The following FILIP1L variants were observed in gnomAD, a reference collection of about 807,000 sequenced individuals.
FILIP1L encodes filamin A-interacting protein 1-like.
In FILIP1L, 55 loss-of-function variants were observed where a neutral mutation model predicts 96.6. The ratio of observed to expected loss-of-function variants is 0.57; its 90% CI spans 0.46 to 0.71. FILIP1L has a LOEUF of 0.71. Among genes scored for constraint, FILIP1L ranks in the 30% least tolerant of loss-of-function variants. The pLI, the probability that FILIP1L is intolerant of heterozygous loss-of-function variation, is 0.00. For missense variants in FILIP1L, 1,304 were observed against 1,321.2 expected, an observed-to-expected ratio of 0.99 and a Z score of 0.20; for synonymous variants, 467 against 473.9, an observed-to-expected ratio of 0.99 and a Z score of 0.19.
At chr3:100,089,172 C>T (rs780741274) in intron 1 of FILIP1L, among the ~76,000 whole-genome samples, 1 of 152,146 alleles carries the variant, frequency 6.6e-6, no homozygotes, top group Admixed American at 6.5e-5. Context: ...AGCTACTTTG[C>T]TAATACATTC....
chr3:99,939,546 G>C (rs1707793338), intron 1 of FILIP1L, among the ~76,000 whole-genome samples: 2 of 152,108 alleles, frequency 1.3e-5, no homozygotes, highest in Admixed American at 1.3e-4. Context: ...CATGGAATTG[G>C]GTATAATTTC....
chr3:100,086,585 A>T (rs933580899), intron 1 of FILIP1L, among the ~76,000 whole-genome samples: 1 of 152,230 alleles, frequency 6.6e-6, no homozygotes, highest in Non-Finnish European at 1.5e-5. Flanking sequence ...TTTATTACCC[A>T]CCAGGCTAAC....
Position 100,012,365 on chromosome 3 carries a change from CATCAT to C in FILIP1L, c.-10-81340_-10-81336del, listed in dbSNP as rs148382569. 7.2e-3 allele frequency among the ~76,000 whole-genome samples: 1,101 copies of C among 152,212 alleles called. 19 individuals are homozygous for C. Among genetic ancestry groups the C allele is most frequent in the African/African-American group, 0.024 (1,014 of 41,530 alleles). ...CTTTCCTGAGAATCTCTAGTTTTCT[CATCAT>C]ATCATTAAAAGCCCAAAACGAAACA... On this transcript the variant is annotated intron_variant, in intron 1 of 5. Coordinates refer to ENST00000477258, the MANE Select transcript of FILIP1L (RefSeq NM_001387850.1).
intron 1 of FILIP1L, among the ~76,000 whole-genome samples, chr3:100,036,912 T>C (rs907386552): frequency 7.2e-5 from 11 of 152,230 alleles, no homozygotes; most frequent in Admixed American, 6.5e-4. Context: ...CAAATATGCA[T>C]AATTAATTTA....
intron 5 of FILIP1L, among the ~76,000 whole-genome samples, chr3:99,837,219 A>G (rs1942936584): frequency 6.6e-6 from 1 of 152,166 alleles, no homozygotes; most frequent in Non-Finnish European, 1.5e-5. Flanking sequence ...GTACTCACTG[A>G]TTCCCTCCCT....
At chr3:99,876,057 C>T (rs547610329) in intron 4 of FILIP1L, 113 of 985,690 alleles carry the variant, frequency 1.1e-4, no homozygotes, top group Non-Finnish European at 1.3e-4. Context: ...AGCGAAGTTG[C>T]TCTCCCGGGC....
At chr3:99,932,137 A>G (rs1707501373) in intron 1 of FILIP1L, among the ~76,000 whole-genome samples, 1 of 152,188 alleles carries the variant, frequency 6.6e-6, no homozygotes, top group Admixed American at 6.5e-5. Flanking sequence ...GTACTGTATT[A>G]TAGATGTATT....
intron 1 of FILIP1L, among the ~76,000 whole-genome samples, chr3:100,024,110 C>T (rs2064876249): frequency 6.6e-6 from 1 of 152,166 alleles, no homozygotes; most frequent in African/African-American, 2.4e-5. Flanking sequence ...CACACTCCGT[C>T]TTCAGCTCCT....
rs535930320 is a variant in FILIP1L at position 99,944,778 on chromosome 3, T to A, written c.-10-13748A>T. ...GTTGGGAGAGACATCTCAGCAATTATGGTGCAGCACTGACTATATCAATAA... is the reference window on the plus strand; with the variant it reads ...GTTGGGAGAGACATCTCAGCAATTAAGGTGCAGCACTGACTATATCAATAA... On this transcript the variant is annotated intron_variant, in intron 1 of 5. Transcript: ENST00000477258. Among the ~76,000 whole-genome samples the A allele has an allele frequency of 2.0e-5, 3 of 152,328 alleles. No individual in the cohort carries two copies. The South Asian group carries it at 6.2e-4, about 32-fold the overall frequency.
intron 5 of FILIP1L, chr3:99,833,062 T>G (rs1197634458): frequency 1.6e-6 from 1 of 641,390 alleles, no homozygotes; most frequent in African/African-American, 1.9e-5. Flanking sequence ...CAGTGAATGT[T>G]CTACTCAGAG....
At chr3:100,049,305 T>G (rs2065330883) in intron 1 of FILIP1L, among the ~76,000 whole-genome samples, 1 of 152,228 alleles carries the variant, frequency 6.6e-6, no homozygotes, top group Admixed American at 6.5e-5. Flanking sequence ...GATTAGAGGT[T>G]AGACTATTGC....
chr3:100,090,583 T>C (rs1260896057), intron 1 of FILIP1L, among the ~76,000 whole-genome samples: 2 of 152,230 alleles, frequency 1.3e-5, no homozygotes, highest in Admixed American at 1.3e-4. Flanking sequence ...GGGCTCTTTC[T>C]CTGCAACACT....
In FILIP1L at chr3:99,985,340, C is replaced by T. The variant is rs373141447; in HGVS notation, c.-10-54310G>A. On this transcript the variant is annotated intron_variant, in intron 1 of 5. Coordinates refer to ENST00000477258, the MANE Select transcript of FILIP1L (RefSeq NM_001387850.1). ...TGAGCCCAGGAGTTCAAGACCAGCC[C>T]GAACAACATGGCGAAACCTCATCTC... Among the ~76,000 whole-genome samples the T allele has an allele frequency of 1.6e-4, 24 of 151,950 alleles. No individual in the cohort carries two copies. The East Asian group carries it at 2.9e-3, about 19-fold the overall frequency.
At chr3:99,936,050 ATAGT>A (rs749171221) in intron 1 of FILIP1L, among the ~76,000 whole-genome samples, 43 of 152,134 alleles carry the variant, frequency 2.8e-4, no homozygotes, top group Admixed American at 1.4e-3. Flanking sequence ...ATTACTCTAC[ATAGT>A]TAGGTGCTAC....
chr3:100,018,122 A>G (rs1009498488), intron 1 of FILIP1L, among the ~76,000 whole-genome samples: 28 of 152,110 alleles, frequency 1.8e-4, no homozygotes, highest in African/African-American at 6.8e-4. Flanking sequence ...AGGTCAAGAG[A>G]TCGAGACCAT....
At position 99,849,240 on chromosome 3, in the gene FILIP1L, GTAA is replaced by G; in HGVS notation, c.2433_2435del (p.Tyr812del). 17 of 1,614,136 alleles carry G rather than the reference GTAA, an allele frequency of 1.1e-5. No individual in the cohort carries two copies. Among genetic ancestry groups the G allele is most frequent in the Non-Finnish European group, 1.4e-5 (16 of 1,180,024 alleles). On this transcript the variant is annotated inframe_deletion, in exon 5 of 6. Coordinates refer to ENST00000477258, the MANE Select transcript of FILIP1L (RefSeq NM_001387850.1). ...CACGTTCCAGAGGAATGAGGCTCTTGTAATCAGGTGGTTCATTGTCTACTGCTT... is the reference window on the plus strand; with the variant it reads ...CACGTTCCAGAGGAATGAGGCTCTTGTCAGGTGGTTCATTGTCTACTGCTT...
Position 99,850,268 on chromosome 3 carries a change from T to C in FILIP1L, c.1408A>G (p.Lys470Glu). ...CGACTTTCAATGGCTTCTAGCTCTT[T>C]GATCCTTACTTTTAAACTCTCCAGT... is the stretch of plus-strand genomic sequence containing the variant. ...QELESLKVRIKELEAIESRLE... is the reference protein window; with the variant it reads ...QELESLKVRIEELEAIESRLE... The change falls in exon 5 of 6, where the codon AAA (lysine) becomes GAA (glutamate). Residue 470 changes from lysine to glutamate, a missense_variant. Physicochemically the swap from Lys to Glu is moderately conservative, Grantham distance 56 (BLOSUM62 1). Transcript: ENST00000477258. The C allele has an allele frequency of 6.2e-7, 1 of 1,613,978 alleles. No homozygotes were observed. Among genetic ancestry groups the C allele is most frequent in the Non-Finnish European group, 8.5e-7 (1 of 1,180,008 alleles).
intron 3 of FILIP1L, among the ~76,000 whole-genome samples, chr3:99,926,359 T>A (rs1291455462): frequency 2.6e-5 from 4 of 152,272 alleles, no homozygotes; most frequent in African/African-American, 9.6e-5. Context: ...ACTGCTATGT[T>A]GTATTGCCTG....
At chr3:99,971,399 G>T (rs1414723624) in intron 1 of FILIP1L, among the ~76,000 whole-genome samples, 1 of 151,672 alleles carries the variant, frequency 6.6e-6, no homozygotes, top group Non-Finnish European at 1.5e-5. Context: ...CACAAGGAAA[G>T]AAGTCCATTT....
Sources: gnomAD v4.1 joint callset for allele counts (sites outside exome capture counted in the v4.1 genomes callset) on GRCh38, gnomAD v4.1.1 for gene constraint, MANE v1.5 for transcripts, NCBI Gene and HGNC (gene_info 2026-07-23, HGNC 2026-07-21) for gene names.